Variants in PDE11A observed in about 807,000 individuals in gnomAD.
The protein encoded by PDE11A is phosphodiesterase 11A.
Under a neutral mutation model 100.5 loss-of-function variants are expected in PDE11A, and 100 were observed. The observed-to-expected ratio is 1.00, with a 90% CI of 0.85 to 1.18. The LOEUF (loss-of-function observed/expected upper bound fraction) is 1.18, where lower values mean the gene tolerates loss of function less well. Ranked by LOEUF, PDE11A falls within the 50% of genes most tolerant of loss-of-function variation. The pLI is 0.00. For synonymous variants in PDE11A, 381 were observed against 420.8 expected (o/e 0.91, Z 1.16); for missense variants, 1,141 against 1,152.6 (o/e 0.99, Z 0.15).
At chr2:178,000,185 C>A (rs987839065) in intron 2 of PDE11A, among the ~76,000 whole-genome samples, 18 of 151,148 alleles carry the variant, frequency 1.2e-4, no homozygotes, top group African/African-American at 4.4e-4. Flanking sequence ...GGAAAATGAC[C>A]AGAAAATGGT....
intron 2 of PDE11A, among the ~76,000 whole-genome samples, chr2:177,942,466 G>C (rs2085356616): frequency 6.6e-6 from 1 of 150,882 alleles, no homozygotes; most frequent in Admixed American, 6.6e-5. Flanking sequence ...GCAATGGCGT[G>C]ATCTCGGCTC....
intron 2 of PDE11A, among the ~76,000 whole-genome samples, chr2:178,103,135 T>A (rs1333868452): frequency 6.6e-6 from 1 of 152,062 alleles, no homozygotes; most frequent in African/African-American, 2.4e-5. Context: ...GTATTCCAGG[T>A]TGTTTGTTGT....
intron 4 of PDE11A, among the ~76,000 whole-genome samples, chr2:177,896,641 C>G (rs998526641): frequency 6.6e-6 from 1 of 152,194 alleles, no homozygotes; most frequent in African/African-American, 2.4e-5. Context: ...ACTTCCCGTT[C>G]CTTTAAGGGG....
At chr2:177,815,886 T>C (rs2105578169) in intron 9 of PDE11A, among the ~76,000 whole-genome samples, 1 of 152,314 alleles carries the variant, frequency 6.6e-6, no homozygotes, top group African/African-American at 2.4e-5. Context: ...TTAGTAAGTA[T>C]TTCATAGATA....
intron 2 of PDE11A, among the ~76,000 whole-genome samples, chr2:178,003,945 A>G (rs1253541036): frequency 1.3e-5 from 2 of 152,198 alleles, no homozygotes; most frequent in African/African-American, 4.8e-5. Flanking sequence ...TGATTTTTGA[A>G]ACAACCTAAA....
At chr2:177,948,394 T>G (rs1167260356) in intron 2 of PDE11A, among the ~76,000 whole-genome samples, 3 of 152,156 alleles carry the variant, frequency 2.0e-5, no homozygotes, top group African/African-American at 7.2e-5. Flanking sequence ...AAATAACACT[T>G]TTTCTAATTT....
intron 4 of PDE11A, among the ~76,000 whole-genome samples, chr2:177,879,377 C>A (rs1285580024): frequency 6.6e-6 from 1 of 152,204 alleles, no homozygotes; most frequent in Admixed American, 6.5e-5. Context: ...TTGATACATG[C>A]TTGCTTTAGA....
At chr2:177,751,153 GCT>G (rs1461341547) in intron 10 of PDE11A, among the ~76,000 whole-genome samples, 1 of 149,792 alleles carries the variant, frequency 6.7e-6, no homozygotes, top group Non-Finnish European at 1.5e-5. Context: ...GCTCTCCAAA[GCT>G]CTGATGTGTC....
At chr2:177,751,980 CAG>C (rs2082032094) in intron 10 of PDE11A, among the ~76,000 whole-genome samples, 1 of 152,078 alleles carries the variant, frequency 6.6e-6, no homozygotes, top group Non-Finnish European at 1.5e-5. Context: ...GGACGTGAGA[CAG>C]AGCTGGGACT....
At chr2:177,803,187 G>C (rs944399718) in intron 9 of PDE11A, among the ~76,000 whole-genome samples, 1 of 151,734 alleles carries the variant, frequency 6.6e-6, no homozygotes, top group Non-Finnish European at 1.5e-5. Context: ...TAGAAGCTCA[G>C]ATAGAATAAG....
chr2:177,862,001 A>G (rs79500010), intron 5 of PDE11A, among the ~76,000 whole-genome samples: 20,544 of 151,906 alleles, frequency 0.14, 1,513 homozygotes, highest in Middle Eastern at 0.27. Context: ...TCATGCGCTT[A>G]GATTAAACAA....
chr2:177,712,922 C>T (rs1281730500), intron 12 of PDE11A, among the ~76,000 whole-genome samples: 1 of 152,146 alleles, frequency 6.6e-6, no homozygotes, highest in African/African-American at 2.4e-5. Context: ...ACCTGTAAGA[C>T]ACTTCTCTTA....
chr2:177,994,318 T>C (rs75125647), intron 2 of PDE11A, among the ~76,000 whole-genome samples: 2,247 of 152,324 alleles, frequency 0.015, 47 homozygotes, highest in East Asian at 0.092. Flanking sequence ...ATACATGGCA[T>C]GTATGCTACC....
intron 2 of PDE11A, among the ~76,000 whole-genome samples, chr2:177,919,035 C>A (rs1352514456): frequency 1.3e-5 from 2 of 151,832 alleles, no homozygotes; most frequent in Non-Finnish European, 2.9e-5. Context: ...AAAATCAAAC[C>A]TACAGAATAG....
intron 9 of PDE11A, among the ~76,000 whole-genome samples, chr2:177,803,307 T>TAAC (rs146272694): frequency 0.025 from 3,809 of 151,132 alleles, 75 homozygotes; most frequent in South Asian, 0.046. Context: ...AAAAATCTCC[T>TAAC]AACAACAACA....
intron 4 of PDE11A, among the ~76,000 whole-genome samples, chr2:177,884,035 A>C (rs2105708267): frequency 6.6e-6 from 1 of 152,348 alleles, no homozygotes; most frequent in Non-Finnish European, 1.5e-5. Flanking sequence ...GAGGACAAGA[A>C]AGCCCAAGTG....
At chr2:177,629,941 T>A (rs964788966) in intron 19 of PDE11A, among the ~76,000 whole-genome samples, 1 of 152,224 alleles carries the variant, frequency 6.6e-6, no homozygotes, top group African/African-American at 2.4e-5. Context: ...CAGATCTCAA[T>A]TGACTATGCA....
In PDE11A at chr2:177,771,818, C is replaced by A. The variant is rs1353864853; in HGVS notation, c.1738-2445G>T. On this transcript the variant is annotated intron_variant, in intron 9 of 19. Transcript: ENST00000286063. ...AGGAGTTCAATACCAGCCTGGCCAACATGATGAAACCCCACCTCTACAAAA... is the reference window on the plus strand; with the variant it reads ...AGGAGTTCAATACCAGCCTGGCCAAAATGATGAAACCCCACCTCTACAAAA... Among the ~76,000 whole-genome samples the A allele has an allele frequency of 5.3e-5, 8 of 152,092 alleles. No individual in the cohort carries two copies. The East Asian group carries it at 1.4e-3, about 26-fold the overall frequency.
chr2:177,846,090 C>G (rs1423611296), intron 5 of PDE11A, among the ~76,000 whole-genome samples: 1 of 151,716 alleles, frequency 6.6e-6, no homozygotes, highest in Non-Finnish European at 1.5e-5. Flanking sequence ...TCCTAATGGT[C>G]TACTATAATG....
Sources: allele counts gnomAD v4.1 joint callset (sites outside exome capture counted in the v4.1 genomes callset), GRCh38; gene constraint gnomAD v4.1.1; transcripts MANE v1.5; gene names NCBI Gene and HGNC (gene_info 2026-07-23, HGNC 2026-07-21).